The following HS3ST4 variants were observed in gnomAD, a reference collection of about 807,000 sequenced individuals.
HS3ST4 encodes heparan sulfate glucosamine 3-O-sulfotransferase 4.
A neutral mutation model predicts 29.2 loss-of-function variants in HS3ST4; 17 were observed. The ratio of observed to expected loss-of-function variants is 0.58; its 90% CI spans 0.40 to 0.87. HS3ST4 has a LOEUF of 0.87. Among genes scored for constraint, HS3ST4 ranks in the 40% least tolerant of loss-of-function variants. HS3ST4 has a pLI of 0.00. For missense variants in HS3ST4, 627 were observed against 634.5 expected, an observed-to-expected ratio of 0.99 and a Z score of 0.13; for synonymous variants, 314 against 285.7, an observed-to-expected ratio of 1.10 and a Z score of -1.00.
chr16:25,760,217 A>T (rs1347292547), intron 1 of HS3ST4, among the ~76,000 whole-genome samples: 1 of 151,952 alleles, frequency 6.6e-6, no homozygotes, highest in Non-Finnish European at 1.5e-5. Context: ...AACAGAAATT[A>T]ATTTTCTCAC....
intron 1 of HS3ST4, among the ~76,000 whole-genome samples, chr16:26,120,858 G>A (rs1899266251): frequency 6.6e-6 from 1 of 152,196 alleles, no homozygotes; most frequent in East Asian, 1.9e-4. Flanking sequence ...GGCTAAAAAT[G>A]AAATGACCTC....
At chr16:25,726,065 A>G (rs1171810484) in intron 1 of HS3ST4, among the ~76,000 whole-genome samples, 1 of 152,166 alleles carries the variant, frequency 6.6e-6, no homozygotes, top group Non-Finnish European at 1.5e-5. Flanking sequence ...CTGTTCTTTC[A>G]TTCTATTTAA....
chr16:25,869,435 A>G (rs148971593), intron 1 of HS3ST4, among the ~76,000 whole-genome samples: 1 of 152,314 alleles, frequency 6.6e-6, no homozygotes, highest in East Asian at 1.9e-4. Context: ...GTTTTGCCAC[A>G]TGTAAACATT....
At chr16:25,840,070 AAT>A (rs1967397931) in intron 1 of HS3ST4, among the ~76,000 whole-genome samples, 1 of 152,172 alleles carries the variant, frequency 6.6e-6, no homozygotes, top group Non-Finnish European at 1.5e-5. Context: ...TGGAAACTAA[AAT>A]GTTCTTTCTG....
chr16:26,068,375 T>C (rs1898564797), intron 1 of HS3ST4, among the ~76,000 whole-genome samples: 1 of 152,194 alleles, frequency 6.6e-6, no homozygotes. Context: ...ATGTCAGCTA[T>C]ATTAAAAAGT....
chr16:26,084,612 A>ATTTT (rs951683689), intron 1 of HS3ST4, among the ~76,000 whole-genome samples: 17 of 148,520 alleles, frequency 1.1e-4, no homozygotes, highest in African/African-American at 3.9e-4. Flanking sequence ...GTTGAAAAAA[A>ATTTT]TTTTTTTTTT....
intron 1 of HS3ST4, among the ~76,000 whole-genome samples, chr16:25,822,470 T>C (rs1295620315): frequency 6.6e-6 from 1 of 152,188 alleles, no homozygotes; most frequent in African/African-American, 2.4e-5. Context: ...CAGCTACTCC[T>C]AGACTTTATT....
rs539326880 is a variant in HS3ST4 at position 25,698,451 on chromosome 16, A to G, written c.734+5300A>G. The stretch of plus-strand genomic sequence containing the variant: ...AAGCACTGTTTTTGTTGCTGGACAA[A>G]TCCAGGTTCAAAACGTGGCTTTAAG... On this transcript the variant is annotated intron_variant, in intron 1 of 1. Transcript: ENST00000331351. 3.9e-5 allele frequency among the ~76,000 whole-genome samples: 6 copies of G among 152,320 alleles called. No homozygotes were observed. The South Asian group carries it at 1.2e-3, about 32-fold the overall frequency.
chr16:25,928,909 G>T (rs187560701), intron 1 of HS3ST4, among the ~76,000 whole-genome samples: 21 of 152,296 alleles, frequency 1.4e-4, no homozygotes, highest in Admixed American at 1.0e-3. Flanking sequence ...GGCACTTTGG[G>T]ATACTTTACG....
rs117146919 is a variant in HS3ST4, at chr16:25,837,337, T to C, written c.734+144186T>C. On this transcript the variant is annotated intron_variant, in intron 1 of 1. Coordinates refer to ENST00000331351, the MANE Select transcript of HS3ST4 (RefSeq NM_006040.3). The stretch of plus-strand genomic sequence containing the variant: ...GCCCTAGGTAGGCAAACCGGGATTA[T>C]GTACAGACTCAGGGGGAAGTGTTTT... Among the ~76,000 whole-genome samples the C allele has an allele frequency of 1.4e-4, 22 of 152,330 alleles. No individual in the cohort carries two copies. In the East Asian group the frequency reaches 3.5e-3, roughly 24 times the overall value.
At chr16:25,764,451 C>A (rs1567235222) in intron 1 of HS3ST4, among the ~76,000 whole-genome samples, 1 of 151,876 alleles carries the variant, frequency 6.6e-6, no homozygotes, top group African/African-American at 2.4e-5. Context: ...GAACCTCACC[C>A]TGTGTGTGTG....
At chr16:25,898,536 C>T (rs1372099030) in intron 1 of HS3ST4, among the ~76,000 whole-genome samples, 1 of 152,148 alleles carries the variant, frequency 6.6e-6, no homozygotes, top group Admixed American at 6.5e-5. Flanking sequence ...CCACGTATGC[C>T]ATATGTATGC....
intron 1 of HS3ST4, among the ~76,000 whole-genome samples, chr16:26,122,380 G>A (rs759010239): frequency 2.6e-5 from 4 of 151,576 alleles, no homozygotes; most frequent in Non-Finnish European, 4.4e-5. Flanking sequence ...TTGTATGGTG[G>A]TCTATTGGTA....
chr16:25,987,288 G>T (rs1969074249), intron 1 of HS3ST4, among the ~76,000 whole-genome samples: 1 of 151,862 alleles, frequency 6.6e-6, no homozygotes, highest in Non-Finnish European at 1.5e-5. Context: ...GGCAGAGGTT[G>T]CAGTGAGCTG....
chr16:25,855,178 G>A (rs1296197015), intron 1 of HS3ST4, among the ~76,000 whole-genome samples: 1 of 152,160 alleles, frequency 6.6e-6, no homozygotes, highest in African/African-American at 2.4e-5. Context: ...TTGGTTGAAA[G>A]AGTTAAGCTA....
intron 1 of HS3ST4, among the ~76,000 whole-genome samples, chr16:25,863,080 G>A (rs1281804324): frequency 6.6e-6 from 1 of 152,140 alleles, no homozygotes; most frequent in East Asian, 1.9e-4. Context: ...TGATCCAGTA[G>A]TTAACTCATT....
chr16:25,952,455 T>C (rs890950608), intron 1 of HS3ST4, among the ~76,000 whole-genome samples: 10 of 152,316 alleles, frequency 6.6e-5, no homozygotes, highest in Non-Finnish European at 5.9e-5. Flanking sequence ...AGCATCTGAT[T>C]GGACAAGATC....
chr16:26,076,411 T>C (rs1898665814), intron 1 of HS3ST4, among the ~76,000 whole-genome samples: 1 of 152,172 alleles, frequency 6.6e-6, no homozygotes, highest in Admixed American at 6.5e-5. Context: ...GAAGTGTTAA[T>C]CTAGCAAGGA....
At chr16:25,751,389 A>G (rs971164754) in intron 1 of HS3ST4, among the ~76,000 whole-genome samples, 1 of 152,196 alleles carries the variant, frequency 6.6e-6, no homozygotes, top group African/African-American at 2.4e-5. Context: ...AAAATGCAGT[A>G]GGTGGCAGAG....
Sources: allele counts gnomAD v4.1 joint callset (sites outside exome capture counted in the v4.1 genomes callset), GRCh38; gene constraint gnomAD v4.1.1; transcripts MANE v1.5; gene names NCBI Gene and HGNC (gene_info 2026-07-23, HGNC 2026-07-21).